The following NTRK3 variants were observed in gnomAD, a reference collection of about 807,000 sequenced individuals.
NTRK3 encodes neurotrophic receptor tyrosine kinase 3.
Under a neutral mutation model 91.7 loss-of-function variants are expected in NTRK3, and 24 were observed. That is an observed-to-expected ratio of 0.26 (90% CI 0.19 to 0.37). The LOEUF (loss-of-function observed/expected upper bound fraction) is 0.37, where lower values mean the gene tolerates loss of function less well. NTRK3 is among the 10% of genes least tolerant of loss of function. The pLI is 1.00. For missense variants in NTRK3, 880 were observed against 1,068.9 expected (o/e 0.82, Z 2.46); for synonymous variants, 483 against 404.0 (o/e 1.20, Z -2.34).
chr15:88,194,593 C>T lies in NTRK3; in HGVS notation c.249-10294G>A, dbSNP rs113497934. Among the ~76,000 whole-genome samples the T allele has an allele frequency of 2.9e-3, 440 of 152,308 alleles. 2 individuals are homozygous for T. The highest frequency in any genetic ancestry group is 0.01 in the African/African-American group (424 of 41,564). ...GGCCACCATCACCTTTCATAAAGAC[C>T]CCTGCCTCCAAAACATGACTACTGT... On this transcript the variant is annotated intron_variant, in intron 3 of 18. Coordinates refer to ENST00000394480, the Ensembl canonical transcript of NTRK3.
In NTRK3 at chr15:88,227,021, G is replaced by C. The variant is rs181723965; in HGVS notation, c.248+28885C>G. On this transcript the variant is annotated intron_variant, in intron 3 of 18. Coordinates refer to ENST00000394480, the Ensembl canonical transcript of NTRK3. ...CTTTCCCTCCTTTTACAGAGATAGA[G>C]GATGCTCTTCTTTTATTTATCCAAA... Among the ~76,000 whole-genome samples, 98 of 152,298 alleles carry C rather than the reference G, an allele frequency of 6.4e-4. 1 individual carries two copies. Among genetic ancestry groups the C allele is most frequent in the African/African-American group, 2.3e-3 (94 of 41,562 alleles).
intron 3 of NTRK3, among the ~76,000 whole-genome samples, chr15:88,230,519 G>C (rs1326848374): frequency 6.6e-6 from 1 of 152,166 alleles, no homozygotes; most frequent in Non-Finnish European, 1.5e-5. Flanking sequence ...AATCTGGCCA[G>C]CTTTCCTCAA....
rs149279639 is a variant in NTRK3, at chr15:88,033,176, T to TTATATATATATATA, written c.1397-145_1397-132dup. ...CTTTTTTTTACTTTTGGGGGGTGTG[T>TTATATATATATATA]TATATATATATATATATATATATAT... is the stretch of plus-strand genomic sequence containing the variant. On this transcript the variant is annotated intron_variant, in intron 13 of 18. Coordinates refer to ENST00000394480, the Ensembl canonical transcript of NTRK3. 686 of 195,748 alleles carry TTATATATATATATA rather than the reference T, an allele frequency of 3.5e-3. 20 individuals carry two copies. The highest frequency in any genetic ancestry group is 0.016 in the African/African-American group (252 of 16,200). The allele number at this position is 195,748 out of a possible 1,614,324, so 12.1% of individuals were successfully genotyped here.
At chr15:88,104,988 T>C (rs1287644380) in intron 13 of NTRK3, among the ~76,000 whole-genome samples, 2 of 152,240 alleles carry the variant, frequency 1.3e-5, no homozygotes, top group African/African-American at 4.8e-5. Flanking sequence ...GGGCAAGCCC[T>C]GAAATTCTCT....
intron 13 of NTRK3, among the ~76,000 whole-genome samples, chr15:88,061,406 C>G (rs777418916): frequency 6.6e-6 from 1 of 152,202 alleles, no homozygotes; most frequent in African/African-American, 2.4e-5. Context: ...AGAAGGGACA[C>G]GGAATGCTTG....
intron 13 of NTRK3, among the ~76,000 whole-genome samples, chr15:88,057,091 C>A (rs1012178884): frequency 6.7e-6 from 1 of 148,348 alleles, no homozygotes; most frequent in Non-Finnish European, 1.5e-5. Flanking sequence ...ATGGCGTGAA[C>A]CCGGGAGGCG....
intron 13 of NTRK3, among the ~76,000 whole-genome samples, chr15:88,123,302 A>T (rs2052932954): frequency 6.6e-6 from 1 of 152,188 alleles, no homozygotes; most frequent in African/African-American, 2.4e-5. Context: ...GCCAATGAGC[A>T]ATTAAGTGGT....
At chr15:88,002,230 G>A (rs1048480817) in intron 14 of NTRK3, among the ~76,000 whole-genome samples, 1 of 124,344 alleles carries the variant, frequency 8.0e-6, no homozygotes, top group Non-Finnish European at 1.6e-5. Flanking sequence ...ACTATTTCGA[G>A]TTTTCTCAAC....
chr15:88,197,760 A>T (rs1383273554), intron 3 of NTRK3, among the ~76,000 whole-genome samples: 1 of 152,226 alleles, frequency 6.6e-6, no homozygotes, highest in African/African-American at 2.4e-5. Flanking sequence ...AAGAAAATAA[A>T]ACATCAAGCT....
chr15:88,129,543 C>A (rs926949525), intron 10 of NTRK3, among the ~76,000 whole-genome samples: 1 of 152,216 alleles, frequency 6.6e-6, no homozygotes, highest in Non-Finnish European at 1.5e-5. Context: ...TAGCACACAA[C>A]AGAAGCACCC....
rs1596216914 is a variant in NTRK3 at position 87,912,797 on chromosome 15, A to G, written c.2133+16394T>C. Among the ~76,000 whole-genome samples the G allele has an allele frequency of 3.3e-5, 5 of 151,862 alleles. No homozygotes were observed. In the South Asian group the frequency reaches 1.0e-3, roughly 32 times the overall value. On this transcript the variant is annotated intron_variant, in intron 17 of 18. Coordinates refer to ENST00000394480, the Ensembl canonical transcript of NTRK3. Reference sequence around the variant, plus strand: ...GTCTCTCATAGAATACTTACAAAACAGTTGGGTGGAGTAATAAAAATGCAT... The same window carrying G: ...GTCTCTCATAGAATACTTACAAAACGGTTGGGTGGAGTAATAAAAATGCAT...
exon 10 of NTRK3, chr15:88,135,174 G>A (rs2151190669): frequency 6.2e-7 from 1 of 1,614,230 alleles, no homozygotes; most frequent in Non-Finnish European, 8.5e-7. Context: ...TGGCAATGAG[G>A]GTATAGTTGC....
At chr15:87,930,699 C>T (rs760902421) in intron 16 of NTRK3, among the ~76,000 whole-genome samples, 5 of 152,104 alleles carry the variant, frequency 3.3e-5, no homozygotes, top group East Asian at 3.9e-4. Flanking sequence ...AGGGTTGGTG[C>T]GGCCTGTTGC....
intron 5 of NTRK3, among the ~76,000 whole-genome samples, chr15:88,169,825 C>A (rs1024563312): frequency 6.6e-6 from 1 of 152,186 alleles, no homozygotes; most frequent in Admixed American, 6.5e-5. Flanking sequence ...CCCCAGAAAG[C>A]CTCTTTCAGC....
chr15:88,147,231 T>G, intron 6 of NTRK3, 104 bp downstream of exon 6: 1 of 1,050,274 alleles, frequency 9.5e-7, no homozygotes, highest in Admixed American at 1.9e-5. Context: ...GCTCTTCGAG[T>G]AGATGTATGC....
intron 13 of NTRK3, among the ~76,000 whole-genome samples, chr15:88,086,547 G>A (rs2048520085): frequency 6.7e-6 from 1 of 150,304 alleles, no homozygotes; most frequent in African/African-American, 2.5e-5. Context: ...AAACATCAAA[G>A]TATGTATGGG....
At chr15:87,952,234 GAAAAGAAAAA>G (rs2071193176) in intron 14 of NTRK3, among the ~76,000 whole-genome samples, 1 of 149,304 alleles carries the variant, frequency 6.7e-6, no homozygotes, top group Non-Finnish European at 1.5e-5. Context: ...AGAAAGAAAA[GAAAAGAAAAA>G]GAAAGAAAGA....
chr15:87,866,815 T>A (rs929289357), exon 19 of NTRK3: 2 of 199,572 alleles, frequency 1.0e-5, no homozygotes, highest in East Asian at 1.6e-4. Context: ...GGCTTTTTTT[T>A]CCCCCTCAAG....
chr15:87,947,931 T>C (rs1261937828), intron 14 of NTRK3, among the ~76,000 whole-genome samples: 2 of 152,192 alleles, frequency 1.3e-5, no homozygotes, highest in East Asian at 3.9e-4. Flanking sequence ...GGGCCAGCTT[T>C]GAACCTTTGA....
Sources: gnomAD v4.1 joint callset for allele counts (sites outside exome capture counted in the v4.1 genomes callset) on GRCh38, gnomAD v4.1.1 for gene constraint, MANE v1.5 for transcripts, NCBI Gene and HGNC (gene_info 2026-07-23, HGNC 2026-07-21) for gene names.